Variants in NDRG1 observed in about 807,000 individuals in gnomAD.
NDRG1 encodes protein NDRG1.
A neutral mutation model predicts 56.9 loss-of-function variants in NDRG1; 32 were observed. The observed-to-expected ratio is 0.56, with a 90% confidence interval of 0.42 to 0.76. NDRG1 has a LOEUF of 0.76. NDRG1 is among the 30% of genes least tolerant of loss of function. The probability of loss-of-function intolerance (pLI) is 0.00; values close to 1 mark genes in which losing one functional copy is unlikely to be tolerated. For missense variants in NDRG1, 507 were observed against 545.7 expected (o/e 0.93, Z 0.71); for synonymous variants, 211 against 204.1 (o/e 1.03, Z -0.29).
At chr8:133,264,983 T>C in intron 3 of NDRG1, 1 of 382,130 alleles carries the variant, frequency 2.6e-6, no homozygotes, top group Non-Finnish European at 5.0e-6. Context: ...CTGCGCTTCC[T>C]TGCTTCCTTG....
chr8:133,276,481 T>A (rs1857461509), intron 3 of NDRG1, among the ~76,000 whole-genome samples: 1 of 152,144 alleles, frequency 6.6e-6, no homozygotes. Flanking sequence ...GCTCCCATAA[T>A]CCCCACGTGT....
intron 2 of NDRG1, among the ~76,000 whole-genome samples, chr8:133,282,444 A>G (rs2130790773): frequency 6.6e-6 from 1 of 152,382 alleles, no homozygotes; most frequent in Non-Finnish European, 1.5e-5. Flanking sequence ...ACTGATGTTG[A>G]AAAGATCTCC....
At chr8:133,290,191 G>C (rs76576624) in intron 1 of NDRG1, among the ~76,000 whole-genome samples, 5,518 of 152,136 alleles carry the variant, frequency 0.036, 164 homozygotes, top group African/African-American at 0.07. Flanking sequence ...CCTGGGCCCC[G>C]CCACAACTCC....
intron 1 of NDRG1, among the ~76,000 whole-genome samples, chr8:133,293,385 G>A (rs149928855): frequency 1.3e-5 from 2 of 152,330 alleles, no homozygotes; most frequent in East Asian, 3.9e-4. Context: ...GGTGTGGGTG[G>A]CCTCCAAGCG....
At chr8:133,277,108 TAC>T (rs1347577828) in intron 3 of NDRG1, among the ~76,000 whole-genome samples, 35 of 152,262 alleles carry the variant, frequency 2.3e-4, no homozygotes, top group Non-Finnish European at 1.2e-4. Context: ...TGCAAATTAA[TAC>T]AGTTTTATAA....
At chr8:133,260,316 A>C (rs1359327902) in intron 5 of NDRG1, among the ~76,000 whole-genome samples, 1 of 152,004 alleles carries the variant, frequency 6.6e-6, no homozygotes, top group African/African-American at 2.4e-5. Context: ...CAGGGGGCTC[A>C]CCCTTAAAGG....
chr8:133,253,745 T>C (rs554316255), intron 9 of NDRG1, among the ~76,000 whole-genome samples: 1 of 152,310 alleles, frequency 6.6e-6, no homozygotes, highest in East Asian at 1.9e-4. Context: ...CTAGGCGGAA[T>C]ACAGTGGGCT....
chr8:133,290,218 A>G (rs1174780042), intron 1 of NDRG1, among the ~76,000 whole-genome samples: 1 of 152,164 alleles, frequency 6.6e-6, no homozygotes, highest in African/African-American at 2.4e-5. Context: ...GTGAGGCTGA[A>G]GGGGTATCCA....
chr8:133,256,721 T>C, intron 8 of NDRG1, 56 bp downstream of exon 8: 1 of 1,544,424 alleles, frequency 6.5e-7, no homozygotes, highest in South Asian at 1.1e-5. Flanking sequence ...AGAGGCTGTG[T>C]GCACCTGTCC....
intron 7 of NDRG1, 74 bp downstream of exon 7, chr8:133,258,292 T>C (rs779504138): frequency 5.4e-6 from 8 of 1,487,510 alleles, no homozygotes; most frequent in Non-Finnish European, 7.4e-6. Flanking sequence ...GGGTTTTTGA[T>C]GCTTTTCCAA....
intron 9 of NDRG1, among the ~76,000 whole-genome samples, chr8:133,253,930 G>A (rs1856217424): frequency 6.6e-6 from 1 of 152,066 alleles, no homozygotes; most frequent in Non-Finnish European, 1.5e-5. Context: ...TTGAACTCCT[G>A]GGCTCAAGCA....
chr8:133,284,458 G>A (rs1427708171), intron 1 of NDRG1, 129 bp from the exon 2 acceptor site: 2 of 767,668 alleles, frequency 2.6e-6, no homozygotes, highest in Non-Finnish European at 2.2e-6. Flanking sequence ...CCCTCGTGAT[G>A]CACTGCAGGG....
intron 15 of NDRG1, chr8:133,241,755 A>C: frequency 1.8e-6 from 1 of 561,018 alleles, no homozygotes; most frequent in South Asian, 2.2e-5. Context: ...TTGGTGCTTA[A>C]AGGGACAGTC....
chr8:133,249,995 G>A (rs182325940), intron 10 of NDRG1, among the ~76,000 whole-genome samples: 22 of 152,266 alleles, frequency 1.4e-4, no homozygotes, highest in Non-Finnish European at 2.5e-4. Flanking sequence ...AGAGGGCCAC[G>A]CCTTAGGCAA....
chr8:133,289,225 C>T (rs1405719444), intron 1 of NDRG1, among the ~76,000 whole-genome samples: 5 of 152,160 alleles, frequency 3.3e-5, no homozygotes, highest in African/African-American at 1.2e-4. Context: ...TATCTAACCT[C>T]TTTGCCTCAG....
intron 6 of NDRG1, 95 bp from the exon 7 acceptor site, chr8:133,258,521 T>C: frequency 8.1e-7 from 1 of 1,236,100 alleles, no homozygotes; most frequent in Non-Finnish European, 1.2e-6. Flanking sequence ...ACCGCCTGGC[T>C]AGGCAATGCG....
intron 9 of NDRG1, among the ~76,000 whole-genome samples, chr8:133,252,283 C>CG (rs1856096046): frequency 6.6e-6 from 1 of 152,104 alleles, no homozygotes; most frequent in Non-Finnish European, 1.5e-5. Flanking sequence ...TCAGTAGAGA[C>CG]GGGGTTTCAC....
chr8:133,286,943 C>T (rs1858151093), intron 1 of NDRG1, among the ~76,000 whole-genome samples: 1 of 152,148 alleles, frequency 6.6e-6, no homozygotes, highest in African/African-American at 2.4e-5. Flanking sequence ...CCAAGGACTG[C>T]AGAAGGTGCT....
At chr8:133,258,150 G>C (rs750152443) in intron 7 of NDRG1, among the ~76,000 whole-genome samples, 5 of 151,974 alleles carry the variant, frequency 3.3e-5, no homozygotes, top group African/African-American at 7.3e-5. Context: ...CATGACAAAG[G>C]AATGTGTCCA....
Sources: gnomAD v4.1 joint callset for allele counts (sites outside exome capture counted in the v4.1 genomes callset) on GRCh38, gnomAD v4.1.1 for gene constraint, MANE v1.5 for transcripts, NCBI Gene and HGNC (gene_info 2026-07-23, HGNC 2026-07-21) for gene names.